The following MYO16 variants were observed in gnomAD, a reference collection of about 807,000 sequenced individuals.
MYO16 encodes myosin XVI, also known as unconventional myosin-XVI.
In MYO16, 94 loss-of-function variants were observed where a neutral mutation model predicts 205.3. That is an observed-to-expected ratio of 0.46 (90% CI 0.39 to 0.54). The LOEUF (loss-of-function observed/expected upper bound fraction) is 0.54, where lower values mean the gene tolerates loss of function less well. Among genes scored for constraint, MYO16 ranks in the 20% least tolerant of loss-of-function variants. MYO16 has a pLI of 0.00. For missense variants in MYO16, 2,315 were observed against 2,387.5 expected (o/e 0.97, Z 0.63); for synonymous variants, 988 against 954.0 (o/e 1.04, Z -0.66).
chr13:108,628,458 A>G (rs1275013806), upstream of MYO16, among the ~76,000 whole-genome samples: 1 of 152,214 alleles, frequency 6.6e-6, no homozygotes, highest in Non-Finnish European at 1.5e-5. Flanking sequence ...TTCAGAATAA[A>G]GATTAGGAAT....
chr13:109,205,107 T>C (rs1880544791), intron 34 of MYO16, among the ~76,000 whole-genome samples: 1 of 152,330 alleles, frequency 6.6e-6, no homozygotes, highest in South Asian at 2.1e-4. Flanking sequence ...CTCTCTGTTA[T>C]GTCTAGAAAT....
chr13:108,567,922 A>T, the MYO16 span, among the ~76,000 whole-genome samples: 7 of 152,016 alleles, frequency 4.6e-5, no homozygotes, highest in African/African-American at 1.7e-4. Context: ...AGATTTCCTC[A>T]CCTATACTGA....
chr13:108,522,778 G>GTGTGTGTGTC, the MYO16 span, among the ~76,000 whole-genome samples: 3 of 151,688 alleles, frequency 2.0e-5, no homozygotes, highest in African/African-American at 7.3e-5. Context: ...GTGTGTGTGT[G>GTGTGTGTGTC]TGTGTGTCTG....
chr13:108,712,769 A>C (rs2139549686), intron 3 of MYO16, 38 bp downstream of exon 3: 3 of 1,546,724 alleles, frequency 1.9e-6, no homozygotes, highest in East Asian at 2.3e-5. Context: ...GCATGGGGAC[A>C]CCCGGGGGAG....
At chr13:108,806,409 A>T (rs1887113596) in intron 6 of MYO16, among the ~76,000 whole-genome samples, 1 of 152,234 alleles carries the variant, frequency 6.6e-6, no homozygotes, top group Non-Finnish European at 1.5e-5. Context: ...TTGCATTGAA[A>T]TGGAACTCGG....
chr13:108,708,704 T>C (rs1363020021), intron 2 of MYO16, among the ~76,000 whole-genome samples: 2 of 152,208 alleles, frequency 1.3e-5, no homozygotes, highest in African/African-American at 4.8e-5. Context: ...GTGGTGGAGA[T>C]TGTGTGAGAG....
At chr13:108,866,391 A>G (rs1256619168) in intron 12 of MYO16, 149 bp downstream of exon 12, 1 of 461,502 alleles carries the variant, frequency 2.2e-6, no homozygotes, top group African/African-American at 2.0e-5. Flanking sequence ...AGTGACTTTA[A>G]TTCATTTTGA....
At chr13:109,131,188 T>TA (rs1429209847) in intron 31 of MYO16, among the ~76,000 whole-genome samples, 1 of 152,210 alleles carries the variant, frequency 6.6e-6, no homozygotes, top group Non-Finnish European at 1.5e-5. Context: ...TTTGGCATGT[T>TA]AAAAAATCAA....
chr13:108,667,071 A>T (rs994266994), intron 2 of MYO16, among the ~76,000 whole-genome samples: 51 of 152,208 alleles, frequency 3.4e-4, no homozygotes, highest in African/African-American at 1.2e-3. Flanking sequence ...TTGATAGCTC[A>T]TTTAGTGGCA....
At chr13:108,808,296 T>A (rs1887177061) in intron 7 of MYO16, among the ~76,000 whole-genome samples, 1 of 70,058 alleles carries the variant, frequency 1.4e-5, no homozygotes, top group African/African-American at 3.5e-5. Context: ...AACCTTCTTC[T>A]TTGCTTTTTT....
At chr13:108,535,985 T>G in the MYO16 span, among the ~76,000 whole-genome samples, 43 of 152,158 alleles carry the variant, frequency 2.8e-4, no homozygotes, top group African/African-American at 1.0e-3. Context: ...AGCCTTTCTG[T>G]GTTTTATGTC....
intron 27 of MYO16, among the ~76,000 whole-genome samples, chr13:109,077,440 C>A (rs1043648136): frequency 6.6e-6 from 1 of 152,138 alleles, no homozygotes; most frequent in Non-Finnish European, 1.5e-5. Context: ...CAAAAATCCC[C>A]TACCAGAGGG....
chr13:108,736,949 C>G (rs1484706283), intron 4 of MYO16, among the ~76,000 whole-genome samples: 13 of 151,888 alleles, frequency 8.6e-5, no homozygotes, highest in African/African-American at 2.4e-4. Flanking sequence ...GTCTGTTATT[C>G]GTGTATAAGA....
rs541578591 is a variant in MYO16, at chr13:108,846,959, G to C, written c.1248+2466G>C. On this transcript the variant is annotated intron_variant, in intron 10 of 34. Transcript: ENST00000457511. ...ATTTCTATTAATTTGCTTTCAAGCT[G>C]TATTAATTAGGTGTTTGAGTTTAGC... Among the ~76,000 whole-genome samples, 15 of 152,208 alleles carry C rather than the reference G, an allele frequency of 9.9e-5. No homozygotes were observed. The South Asian group carries it at 3.1e-3, about 32-fold the overall frequency.
At chr13:108,522,420 A>G in the MYO16 span, among the ~76,000 whole-genome samples, 3 of 152,176 alleles carry the variant, frequency 2.0e-5, no homozygotes, top group Non-Finnish European at 4.4e-5. Flanking sequence ...GAATCCTGTA[A>G]TTTCTAAGAA....
intron 20 of MYO16, among the ~76,000 whole-genome samples, chr13:108,969,093 T>C (rs968062354): frequency 1.8e-4 from 27 of 152,124 alleles, no homozygotes; most frequent in African/African-American, 6.5e-4. Context: ...TTTGAGTGAG[T>C]TGGATCTTTT....
At chr13:108,791,068 T>C (rs867867104) in intron 5 of MYO16, among the ~76,000 whole-genome samples, 22 of 152,212 alleles carry the variant, frequency 1.4e-4, no homozygotes, top group Non-Finnish European at 2.9e-5. Context: ...AAATGATATT[T>C]GCCAAAATAA....
intron 20 of MYO16, among the ~76,000 whole-genome samples, chr13:108,991,491 C>G (rs1239682466): frequency 6.6e-6 from 1 of 152,226 alleles, no homozygotes; most frequent in Non-Finnish European, 1.5e-5. Flanking sequence ...CATCAAAGAA[C>G]ATGCATGTGA....
chr13:109,178,288 A>AC (rs760303432), intron 33 of MYO16, among the ~76,000 whole-genome samples: 140 of 149,130 alleles, frequency 9.4e-4, no homozygotes, highest in Middle Eastern at 3.4e-3. Context: ...CCAGCAAGAG[A>AC]CCCCCCCCAC....
Sources: gnomAD v4.1 joint callset for allele counts (sites outside exome capture counted in the v4.1 genomes callset) on GRCh38, gnomAD v4.1.1 for gene constraint, MANE v1.5 for transcripts, NCBI Gene and HGNC (gene_info 2026-07-23, HGNC 2026-07-21) for gene names.